The following SLC30A7 variants were observed in gnomAD, a reference collection of about 807,000 sequenced individuals.
SLC30A7 encodes the protein zinc transporter 7.
A neutral mutation model predicts 46.0 loss-of-function variants in SLC30A7; 35 were observed. The ratio of observed to expected loss-of-function variants is 0.76; its 90% CI spans 0.58 to 1.01. SLC30A7 has a LOEUF of 1.01. Ranked by LOEUF, SLC30A7 falls within the 50% of genes least tolerant of loss-of-function variation. The pLI, the probability that SLC30A7 is intolerant of heterozygous loss-of-function variation, is 0.00. For missense variants in SLC30A7, 464 were observed against 451.1 expected, an observed-to-expected ratio of 1.03 and a Z score of -0.26; for synonymous variants, 147 against 157.8, an observed-to-expected ratio of 0.93 and a Z score of 0.51.
chr1:100,993,983 C>A, the SLC30A7 span, among the ~76,000 whole-genome samples: 2 of 151,992 alleles, frequency 1.3e-5, no homozygotes, highest in African/African-American at 2.4e-5. Context: ...ACCTCGTGAT[C>A]CACCTGCCTC....
intron 3 of SLC30A7, among the ~76,000 whole-genome samples, chr1:100,908,286 G>T (rs995692038): frequency 1.3e-5 from 2 of 151,960 alleles, no homozygotes; most frequent in Non-Finnish European, 2.9e-5. Flanking sequence ...ACATGCTCTT[G>T]TTCTGTTTAG....
rs1656366449 is a variant in SLC30A7 at position 100,974,794 on chromosome 1, T to C, written c.1084-16T>C. The stretch of plus-strand genomic sequence containing the variant: ...GCTTGTTAGATTTTCTAACTTTTTT[T>C]TTTCTTACTTTTCAGGCTGGAGTGA... On this transcript the variant is annotated splice_polypyrimidine_tract_variant and intron_variant, in intron 10 of 10. Coordinates refer to ENST00000357650, the MANE Select transcript of SLC30A7 (RefSeq NM_133496.5). The C allele has an allele frequency of 6.4e-7, 1 of 1,571,956 alleles. No individual in the cohort carries two copies.
At chr1:100,984,213 A>T (rs927660004), downstream of SLC30A7, among the ~76,000 whole-genome samples, 4 of 152,226 alleles carry the variant, frequency 2.6e-5, no homozygotes, top group African/African-American at 9.6e-5. Flanking sequence ...TTAAAAGGGT[A>T]CAGCAACCCT....
In SLC30A7 at chr1:100,957,424, A is replaced by T. The variant is rs1251400277; in HGVS notation, c.843-4404A>T. 2.0e-5 allele frequency among the ~76,000 whole-genome samples: 3 copies of T among 152,174 alleles called. No individual in the cohort carries two copies. The East Asian group carries it at 5.8e-4, about 29-fold the overall frequency. ...ACAATTTATATTTTCTTTCATTTCC[A>T]AATATATTCTCTCTCTAGTATTCTT... On this transcript the variant is annotated intron_variant, in intron 8 of 10. Coordinates refer to ENST00000357650, the MANE Select transcript of SLC30A7 (RefSeq NM_133496.5).
At chr1:100,982,475 C>T (rs1361856446), downstream of SLC30A7, among the ~76,000 whole-genome samples, 7 of 152,230 alleles carry the variant, frequency 4.6e-5, no homozygotes, top group Non-Finnish European at 1.0e-4. Flanking sequence ...ACAAATCTTT[C>T]CCATTCAATT....
chr1:100,903,788 A>T (rs1211525239), intron 2 of SLC30A7, among the ~76,000 whole-genome samples: 1 of 152,000 alleles, frequency 6.6e-6, no homozygotes, highest in African/African-American at 2.4e-5. Flanking sequence ...AATTATTCCA[A>T]ATTATGAGAA....
chr1:100,984,039 CAA>C (rs557909237), downstream of SLC30A7, among the ~76,000 whole-genome samples: 181 of 152,290 alleles, frequency 1.2e-3, 1 homozygote, highest in African/African-American at 4.2e-3. Context: ...CAGAAGAAGG[CAA>C]AGTTACTACA....
intron 8 of SLC30A7, among the ~76,000 whole-genome samples, chr1:100,929,949 A>G (rs781157662): frequency 6.6e-6 from 1 of 152,102 alleles, no homozygotes; most frequent in Non-Finnish European, 1.5e-5. Flanking sequence ...CATAACTTAG[A>G]ATGCAGAAAT....
rs1465962703 is a variant in SLC30A7 at position 100,965,923 on chromosome 1, G to A, written c.1083+5G>A. 6.2e-7 allele frequency: 1 copy of A among 1,601,196 alleles called. No individual in the cohort carries two copies. The highest frequency in any genetic ancestry group is 1.1e-5 in the South Asian group (1 of 88,244). Reference sequence around the variant, plus strand: ...ACACATAATATTTTTACTCAGGTATGTCTTTTTTACTAACTTCTTTTAAGG... The same window carrying A: ...ACACATAATATTTTTACTCAGGTATATCTTTTTTACTAACTTCTTTTAAGG... On this transcript the variant is annotated splice_donor_5th_base_variant and intron_variant, in intron 10 of 10. Transcript: ENST00000357650.
In SLC30A7 at chr1:100,911,050, T is replaced by C. The variant is rs1403430577; in HGVS notation, c.297-13T>C. 6.3e-7 allele frequency: 1 copy of C among 1,581,974 alleles called. No individual in the cohort carries two copies. Among genetic ancestry groups the C allele is most frequent in the Non-Finnish European group, 8.7e-7 (1 of 1,155,106 alleles). ...AACATAATAATTCAGTTATTTACTT[T>C]GTTCCTCTTTAGGTATGTTAGAGCG... On this transcript the variant is annotated splice_polypyrimidine_tract_variant and intron_variant, in intron 3 of 10. Transcript: ENST00000357650.
intron 6 of SLC30A7, among the ~76,000 whole-genome samples, chr1:100,915,189 T>TCCC (rs1216720657): frequency 7.2e-5 from 6 of 82,912 alleles, no homozygotes; most frequent in African/African-American, 1.4e-4. Flanking sequence ...TTTTCTTTTC[T>TCCC]TTCTTTTCTT....
intron 2 of SLC30A7, among the ~76,000 whole-genome samples, chr1:100,902,665 T>TGAAA (rs1170777383): frequency 3.3e-5 from 5 of 152,216 alleles, no homozygotes; most frequent in African/African-American, 7.2e-5. Context: ...CAGTTGGTTT[T>TGAAA]CTAGTAATCT....
chr1:100,950,480 G>A (rs1654894150), intron 8 of SLC30A7, among the ~76,000 whole-genome samples: 1 of 152,192 alleles, frequency 6.6e-6, no homozygotes, highest in Middle Eastern at 3.2e-3. Context: ...TGGAAATTGG[G>A]TGTCAGAGAT....
intron 4 of SLC30A7, 37 bp downstream of exon 4, chr1:100,911,187 T>C: frequency 7.4e-7 from 1 of 1,355,982 alleles, no homozygotes. Flanking sequence ...TAAATTACAT[T>C]TCTGTAATGA....
chr1:100,896,373 T>A, intron 1 of SLC30A7, 31 bp downstream of exon 1: 3 of 1,610,320 alleles, frequency 1.9e-6, no homozygotes, highest in Non-Finnish European at 2.5e-6. Context: ...GGGGAGGGGG[T>A]GTCCGGCAGA....
chr1:100,946,335 TGGTGAGAGGGGGTATCCTTGTCTTGTGCC>T (rs1418783810), intron 8 of SLC30A7, among the ~76,000 whole-genome samples: 19 of 152,110 alleles, frequency 1.2e-4, no homozygotes, highest in African/African-American at 4.3e-4. Flanking sequence ...TGAACAGGAG[TGGTGAGAGGGGGTATCCTTGTCTTGTGCC>T]GGTTTTCAAA....
At chr1:100,915,229 C>CTTTCT (rs1652445541) in intron 6 of SLC30A7, among the ~76,000 whole-genome samples, 1 of 71,002 alleles carries the variant, frequency 1.4e-5, no homozygotes, top group Non-Finnish European at 3.0e-5. Context: ...TTCTTTCTTT[C>CTTTCT]TTTCTTTCTT....
chr1:100,930,396 A>G lies in SLC30A7; in HGVS notation c.842+8555A>G, dbSNP rs559608172. On this transcript the variant is annotated intron_variant, in intron 8 of 10. Coordinates refer to ENST00000357650, the MANE Select transcript of SLC30A7 (RefSeq NM_133496.5). Reference sequence around the variant, plus strand: ...AGAAATGATAAATAATGGTCTGTATAAAATAGAATGTATACTAATGGAAAC... The same window carrying G: ...AGAAATGATAAATAATGGTCTGTATGAAATAGAATGTATACTAATGGAAAC... 2.0e-5 allele frequency among the ~76,000 whole-genome samples: 3 copies of G among 148,770 alleles called. No homozygotes were observed. In the East Asian group the frequency reaches 5.9e-4, roughly 29 times the overall value.
chr1:100,907,207 A>G (rs900246111), intron 3 of SLC30A7, among the ~76,000 whole-genome samples: 1 of 152,222 alleles, frequency 6.6e-6, no homozygotes, highest in Non-Finnish European at 1.5e-5. Flanking sequence ...GATTGTTACC[A>G]TATAGAGGAA....
Sources: gnomAD v4.1 joint callset for allele counts (sites outside exome capture counted in the v4.1 genomes callset) on GRCh38, gnomAD v4.1.1 for gene constraint, MANE v1.5 for transcripts, NCBI Gene and HGNC (gene_info 2026-07-23, HGNC 2026-07-21) for gene names.